The following TTC29 variants were observed in gnomAD, a reference collection of about 807,000 sequenced individuals.
TTC29 encodes tetratricopeptide repeat domain 29, also known as tetratricopeptide repeat protein 29.
A neutral mutation model predicts 58.1 loss-of-function variants in TTC29; 49 were observed. That is an observed-to-expected ratio of 0.84 (90% confidence interval 0.67 to 1.07). The LOEUF is 1.07. Ranked by LOEUF, TTC29 falls within the 50% of genes least tolerant of loss-of-function variation. The pLI is 0.00. For synonymous variants in TTC29, 209 were observed against 196.8 expected, an observed-to-expected ratio of 1.06 and a Z score of -0.52; for missense variants, 582 against 555.6, an observed-to-expected ratio of 1.05 and a Z score of -0.48.
chr4:146,873,242 A>G (rs1480033484), intron 7 of TTC29, among the ~76,000 whole-genome samples: 1 of 152,178 alleles, frequency 6.6e-6, no homozygotes, highest in Non-Finnish European at 1.5e-5. Flanking sequence ...AGGAGACAAG[A>G]GTAAAGGGAT....
chr4:146,765,600 C>A (rs1561104022), intron 11 of TTC29, among the ~76,000 whole-genome samples: 1 of 152,158 alleles, frequency 6.6e-6, no homozygotes, highest in African/African-American at 2.4e-5. Flanking sequence ...TTCCTGAAAG[C>A]ATCTCTGCAT....
At chr4:146,908,915 T>C (rs1308739130) in intron 5 of TTC29, 111 bp downstream of exon 5, 2 of 902,184 alleles carry the variant, frequency 2.2e-6, no homozygotes, top group African/African-American at 3.3e-5. Context: ...GGTTGAAGTG[T>C]GCTAAGTTGT....
chr4:146,763,959 T>G (rs1199067793), intron 11 of TTC29: 1 of 150,886 alleles, frequency 6.6e-6, no homozygotes, highest in African/African-American at 2.4e-5. Context: ...GTTTGATGGC[T>G]TAAGGCAGAG....
chr4:146,829,791 A>T (rs764589902), intron 9 of TTC29, among the ~76,000 whole-genome samples: 1 of 152,194 alleles, frequency 6.6e-6, no homozygotes, highest in Non-Finnish European at 1.5e-5. Context: ...TTTGCAAGAA[A>T]ATTTACAATT....
At chr4:146,937,275 GC>G (rs1362558744) in intron 4 of TTC29, among the ~76,000 whole-genome samples, 5 of 151,908 alleles carry the variant, frequency 3.3e-5, no homozygotes, top group Admixed American at 6.6e-5. Context: ...GTTTCTTAAA[GC>G]TTTTTTCTTT....
intron 11 of TTC29, among the ~76,000 whole-genome samples, chr4:146,785,947 AATAT>A (rs57449543): frequency 6.7e-6 from 1 of 150,354 alleles, no homozygotes; most frequent in East Asian, 1.9e-4. Context: ...GTTATTAAAG[AATAT>A]ATATATATAT....
intron 11 of TTC29, among the ~76,000 whole-genome samples, chr4:146,757,389 A>G (rs1033112012): frequency 1.3e-5 from 2 of 152,126 alleles, no homozygotes; most frequent in Non-Finnish European, 2.9e-5. Context: ...GATGTGAAAT[A>G]TCTATGCGTC....
intron 11 of TTC29, among the ~76,000 whole-genome samples, chr4:146,709,056 G>A (rs1008217662): frequency 2.0e-5 from 3 of 152,034 alleles, no homozygotes; most frequent in East Asian, 1.9e-4. Context: ...ATCTACAAAC[G>A]GAATCATTCT....
At chr4:146,890,269 G>A (rs546590640) in intron 6 of TTC29, among the ~76,000 whole-genome samples, 1 of 152,188 alleles carries the variant, frequency 6.6e-6, no homozygotes, top group African/African-American at 2.4e-5. Context: ...TCTTTTAAGG[G>A]TTTACAATTC....
intron 11 of TTC29, among the ~76,000 whole-genome samples, chr4:146,728,877 A>ATATATATGTGTGTATG: frequency 1.5e-5 from 1 of 68,634 alleles, no homozygotes; most frequent in South Asian, 5.1e-4. Context: ...ATGTGTGTGT[A>ATATATATGTGTGTATG]TATATATATG....
chr4:146,890,961 G>T (rs1022436997), intron 6 of TTC29, among the ~76,000 whole-genome samples: 1 of 152,058 alleles, frequency 6.6e-6, no homozygotes, highest in African/African-American at 2.4e-5. Context: ...TAATATCAAG[G>T]ATGAAGTCTG....
intron 11 of TTC29, among the ~76,000 whole-genome samples, chr4:146,798,822 G>A (rs1019049107): frequency 2.2e-5 from 3 of 137,760 alleles, no homozygotes; most frequent in African/African-American, 8.2e-5. Flanking sequence ...GGGAGACGGA[G>A]CTTGTAATGA....
At chr4:146,852,474 T>C (rs574398596) in intron 8 of TTC29, among the ~76,000 whole-genome samples, 1 of 152,218 alleles carries the variant, frequency 6.6e-6, no homozygotes. Flanking sequence ...TGTCTCAGCC[T>C]TCTTTTCAAA....
intron 11 of TTC29, among the ~76,000 whole-genome samples, chr4:146,717,733 T>A (rs1289441406): frequency 6.6e-6 from 1 of 152,140 alleles, no homozygotes; most frequent in Non-Finnish European, 1.5e-5. Context: ...ATGCTTATCA[T>A]TTTTTTATGG....
At chr4:146,854,091 A>C (rs1729681354) in intron 8 of TTC29, among the ~76,000 whole-genome samples, 1 of 152,178 alleles carries the variant, frequency 6.6e-6, no homozygotes, top group Non-Finnish European at 1.5e-5. Context: ...GCGTCCCAGC[A>C]GGACTGATCC....
chr4:146,882,444 C>T (rs138958243), intron 6 of TTC29, among the ~76,000 whole-genome samples: 12 of 152,124 alleles, frequency 7.9e-5, no homozygotes, highest in African/African-American at 2.2e-4. Flanking sequence ...AGTTGGTAGT[C>T]GACTATTTTC....
intron 9 of TTC29, among the ~76,000 whole-genome samples, chr4:146,826,855 A>G (rs1414376943): frequency 6.7e-6 from 1 of 149,574 alleles, no homozygotes; most frequent in Non-Finnish European, 1.5e-5. Context: ...TATTTCAGTA[A>G]GGTGGCCTTC....
intron 11 of TTC29, 101 bp from the exon 12 acceptor site, chr4:146,707,652 A>G: frequency 1.3e-6 from 1 of 786,934 alleles, no homozygotes; most frequent in Non-Finnish European, 2.1e-6. Flanking sequence ...ATCTGTCCTT[A>G]TCACCTATAA....
intron 6 of TTC29, among the ~76,000 whole-genome samples, chr4:146,894,341 T>C (rs1247719542): frequency 6.6e-6 from 1 of 151,964 alleles, no homozygotes; most frequent in Non-Finnish European, 1.5e-5. Flanking sequence ...CATGGAATAC[T>C]ATGCAGCCAT....
Sources: gnomAD v4.1 joint callset for allele counts (sites outside exome capture counted in the v4.1 genomes callset) on GRCh38, gnomAD v4.1.1 for gene constraint, MANE v1.5 for transcripts, NCBI Gene and HGNC (gene_info 2026-07-23, HGNC 2026-07-21) for gene names.